Variants in EXOC6B observed in about 807,000 individuals in gnomAD.
EXOC6B encodes the protein SEC15 homolog B.
EXOC6B carries 54 observed loss-of-function variants against 113.5 expected under a neutral mutation model. That is an observed-to-expected ratio of 0.48 (90% CI 0.38 to 0.60). The LOEUF is 0.60. Among genes scored for constraint, EXOC6B ranks in the 20% least tolerant of loss-of-function variants. The pLI is 0.00. For missense variants in EXOC6B, 797 were observed against 977.5 expected (o/e 0.82, Z 2.46); for synonymous variants, 357 against 339.0 (o/e 1.05, Z -0.58).
chr2:72,813,667 A>T (rs1474287893), intron 1 of EXOC6B, among the ~76,000 whole-genome samples: 1 of 152,200 alleles, frequency 6.6e-6, no homozygotes, highest in East Asian at 1.9e-4. Flanking sequence ...ATCAAACTCC[A>T]TACCAAAAAT....
chr2:72,301,281 G>A (rs1283223469), intron 20 of EXOC6B, among the ~76,000 whole-genome samples: 2 of 152,148 alleles, frequency 1.3e-5, no homozygotes, highest in Non-Finnish European at 1.5e-5. Flanking sequence ...GTCAATGTTC[G>A]TCAAGGATGT....
At chr2:72,214,311 C>A (rs909748549) in intron 20 of EXOC6B, among the ~76,000 whole-genome samples, 2 of 135,924 alleles carry the variant, frequency 1.5e-5, no homozygotes, top group African/African-American at 5.0e-5. Flanking sequence ...CATGGTGAAA[C>A]CCCGTCTCTA....
chr2:72,231,754 A>G (rs950131896), intron 20 of EXOC6B, among the ~76,000 whole-genome samples: 3 of 152,224 alleles, frequency 2.0e-5, no homozygotes, highest in African/African-American at 7.2e-5. Flanking sequence ...GGCAATCAAA[A>G]ATGCAAATCA....
At chr2:72,228,676 T>C (rs1450505377) in intron 20 of EXOC6B, among the ~76,000 whole-genome samples, 1 of 152,232 alleles carries the variant, frequency 6.6e-6, no homozygotes, top group African/African-American at 2.4e-5. Context: ...TGTTGGACAT[T>C]TGGCTTGGTT....
intron 20 of EXOC6B, among the ~76,000 whole-genome samples, chr2:72,236,592 A>G (rs1323822427): frequency 6.6e-6 from 1 of 152,054 alleles, no homozygotes; most frequent in Non-Finnish European, 1.5e-5. Context: ...TTGTCTCTGA[A>G]TTGTTTTGGC....
chr2:72,235,602 C>A (rs1681911670), intron 20 of EXOC6B, among the ~76,000 whole-genome samples: 1 of 152,178 alleles, frequency 6.6e-6, no homozygotes, highest in Non-Finnish European at 1.5e-5. Flanking sequence ...ATAAATCTAG[C>A]TTCTAGATGA....
rs1558748783 is a variant in EXOC6B at position 72,512,403 on chromosome 2, GGAAGGAAGGAAGGAAGGAAGGAAA to G, written c.1167+705_1167+728del. On this transcript the variant is annotated intron_variant, in intron 11 of 21. Transcript: ENST00000272427. ...AGGAAGGAAGGAAGGAAGGAAGGAA[GGAAGGAAGGAAGGAAGGAAGGAAA>G]GAAGGAAGGAAGGAAGGAAGGAAAG... Among the ~76,000 whole-genome samples, 350 of 94,478 alleles carry G rather than the reference GGAAGGAAGGAAGGAAGGAAGGAAA, an allele frequency of 3.7e-3. 3 individuals are homozygous for G. Among genetic ancestry groups the G allele is most frequent in the African/African-American group, 0.013 (317 of 23,712 alleles). 62.0% of individuals were successfully genotyped at this position (94,478 alleles called of 152,430 possible). A position where few individuals can be genotyped will look rare whatever the true frequency, so the allele number is the denominator to read the frequency against.
chr2:72,225,213 T>C (rs1040374737), intron 20 of EXOC6B, among the ~76,000 whole-genome samples: 1 of 152,030 alleles, frequency 6.6e-6, no homozygotes, highest in East Asian at 1.9e-4. Context: ...ACATAGGATA[T>C]CATATTTTTA....
At chr2:72,503,918 C>CT (rs1558739754) in intron 11 of EXOC6B, among the ~76,000 whole-genome samples, 1 of 151,118 alleles carries the variant, frequency 6.6e-6, no homozygotes, top group South Asian at 2.1e-4. Context: ...TCTTTTTTTT[C>CT]TTTTTTTGAG....
intron 1 of EXOC6B, among the ~76,000 whole-genome samples, chr2:72,814,293 G>A (rs1686093643): frequency 6.6e-6 from 1 of 152,174 alleles, no homozygotes; most frequent in Non-Finnish European, 1.5e-5. Flanking sequence ...AACACTGGAA[G>A]CGTCTAAATA....
intron 20 of EXOC6B, among the ~76,000 whole-genome samples, chr2:72,214,931 C>T (rs1428940904): frequency 6.6e-6 from 1 of 152,210 alleles, no homozygotes; most frequent in Non-Finnish European, 1.5e-5. Flanking sequence ...TGCATAGTTT[C>T]TGTCAAGACT....
intron 18 of EXOC6B, among the ~76,000 whole-genome samples, chr2:72,423,819 T>A (rs975392254): frequency 1.3e-5 from 2 of 152,110 alleles, no homozygotes; most frequent in African/African-American, 4.8e-5. Flanking sequence ...TGTTTATCCG[T>A]TTTGGGTTAT....
At chr2:72,300,727 G>A (rs573404913) in intron 20 of EXOC6B, among the ~76,000 whole-genome samples, 7 of 152,254 alleles carry the variant, frequency 4.6e-5, no homozygotes, top group Admixed American at 2.6e-4. Flanking sequence ...GCCGGAGTGC[G>A]AGTGCACCAT....
At chr2:72,596,944 T>G (rs1227567632) in intron 6 of EXOC6B, among the ~76,000 whole-genome samples, 1 of 151,384 alleles carries the variant, frequency 6.6e-6, no homozygotes, top group African/African-American at 2.4e-5. Context: ...ATCTCAGATC[T>G]TAATATCTAA....
intron 20 of EXOC6B, among the ~76,000 whole-genome samples, chr2:72,272,569 G>A (rs764944029): frequency 3.9e-5 from 6 of 152,034 alleles, no homozygotes; most frequent in South Asian, 2.1e-4. Context: ...CCGTGTTTTC[G>A]TCTCCTATAA....
At chr2:72,292,322 T>C (rs1685848067) in intron 20 of EXOC6B, among the ~76,000 whole-genome samples, 1 of 152,070 alleles carries the variant, frequency 6.6e-6, no homozygotes, top group Admixed American at 6.6e-5. Context: ...TAGTTCCTGC[T>C]TTTTTAAAAT....
intron 6 of EXOC6B, among the ~76,000 whole-genome samples, chr2:72,583,638 G>A (rs1705362937): frequency 6.6e-6 from 1 of 152,122 alleles, no homozygotes; most frequent in Admixed American, 6.5e-5. Context: ...ATAAAATCTT[G>A]TCCAAACAAG....
intron 19 of EXOC6B, among the ~76,000 whole-genome samples, chr2:72,374,476 TGTA>T (rs1691230489): frequency 2.0e-5 from 3 of 152,160 alleles, no homozygotes; most frequent in Non-Finnish European, 2.9e-5. Flanking sequence ...CTCACTTATA[TGTA>T]GGATCTAAAA....
chr2:72,235,772 G>A (rs1472421009), intron 20 of EXOC6B, among the ~76,000 whole-genome samples: 2 of 151,760 alleles, frequency 1.3e-5, no homozygotes, highest in African/African-American at 4.8e-5. Context: ...CACGGTTAAG[G>A]TCCTTGGTGT....
Sources: gnomAD v4.1 joint callset for allele counts (sites outside exome capture counted in the v4.1 genomes callset) on GRCh38, gnomAD v4.1.1 for gene constraint, MANE v1.5 for transcripts, NCBI Gene and HGNC (gene_info 2026-07-23, HGNC 2026-07-21) for gene names.